MICALL2: variants seen among roughly 807,000 people sequenced by gnomAD.
MICALL2 encodes MICAL-like protein 2.
MICALL2 carries 111 observed loss-of-function variants against 91.1 expected under a neutral mutation model. The ratio of observed to expected loss-of-function variants is 1.22; its 90% CI spans 1.04 to 1.43. MICALL2 has a LOEUF of 1.43. Ranked by LOEUF, MICALL2 falls within the 40% of genes most tolerant of loss-of-function variation. The pLI is 0.00. For missense variants in MICALL2, 1,556 were observed against 1,236.0 expected, an observed-to-expected ratio of 1.26 and a Z score of -3.88; for synonymous variants, 694 against 525.3, an observed-to-expected ratio of 1.32 and a Z score of -4.39.
rs1780519867 is a variant in MICALL2, at chr7:1,445,277, C to T, written c.793G>A (p.Val265Met). 5 of 1,612,330 alleles carry T rather than the reference C, an allele frequency of 3.1e-6. No individual in the cohort carries two copies. The highest frequency in any genetic ancestry group is 2.7e-5 in the African/African-American group (2 of 74,922). The change falls in exon 6 of 17, where the codon GTG (valine) becomes ATG (methionine). Residue 265 changes from valine (V) to methionine (M), a missense_variant. Transcript: ENST00000297508. ...GGGGAACAGGAGGTCCTGGAATCCA[C>T]ACCCATGGCCCCTGGCTGTCGGGGG... ...LVPRQPGAMG[V>M]DSRTSCSPQK...
chr7:1,443,099 A>G (rs1336657337), intron 6 of MICALL2, among the ~76,000 whole-genome samples: 2 of 92,766 alleles, frequency 2.2e-5, no homozygotes, highest in East Asian at 7.8e-4. Context: ...CCCCTCGACA[A>G]CCAGTTTCCC....
rs750969284 is a variant in MICALL2 at position 1,445,173 on chromosome 7, G to A, written c.897C>T (p.Ser299=). The change falls in exon 6 of 17, where the codon TCC becomes TCT. Residue 299 remains serine (S), a synonymous_variant. Transcript: ENST00000297508. ...PAAGNSPARA[S]VPAAPNPAAT... ...CTGCAGGGTTGGGTGCAGCTGGAAC[G>A]GAAGCCCTGGCAGGCGAGTTGCCCG... The A allele has an allele frequency of 2.4e-5, 38 of 1,585,656 alleles. No homozygotes were observed. Among genetic ancestry groups the A allele is most frequent in the Non-Finnish European group, 2.9e-5 (34 of 1,167,212 alleles).
chr7:1,438,491 T>C lies in MICALL2; in HGVS notation c.2123-138A>G, dbSNP rs371162514. The C allele has an allele frequency of 2.0e-5, 30 of 1,470,360 alleles. No homozygotes were observed. The African/African-American group carries it at 3.2e-4, about 16-fold the overall frequency. 91.1% of individuals were successfully genotyped at this position (1,470,360 alleles called of 1,614,324 possible). The stretch of plus-strand genomic sequence containing the variant: ...CCTCCCTAATGCCCCACACGCCCAC[T>C]GGACTGCCCTGACCCAGCCCCACAG... On this transcript the variant is annotated intron_variant, in intron 10 of 16. Coordinates refer to ENST00000297508, the MANE Select transcript of MICALL2 (RefSeq NM_182924.4).
intron 6 of MICALL2, among the ~76,000 whole-genome samples, 161 bp from the exon 7 acceptor site, chr7:1,442,645 G>A (rs535473590): frequency 7.6e-5 from 9 of 118,456 alleles, no homozygotes; most frequent in Non-Finnish European, 1.4e-4. Context: ...CCCCACCATT[G>A]CGCCAGGCCA....
intron 6 of MICALL2, among the ~76,000 whole-genome samples, chr7:1,443,995 GC>G (rs1426904305): frequency 6.6e-6 from 1 of 152,134 alleles, no homozygotes; most frequent in Non-Finnish European, 1.5e-5. Flanking sequence ...GTGATGCTCA[GC>G]CCAGCCAGCG....
At chr7:1,454,043 T>C (rs531457966) in intron 1 of MICALL2, among the ~76,000 whole-genome samples, 5 of 152,158 alleles carry the variant, frequency 3.3e-5, no homozygotes, top group East Asian at 3.9e-4. Flanking sequence ...CTTCAGCCCA[T>C]GGAGTCCAGC....
At chr7:1,449,787 G>A (rs1386607077) in intron 2 of MICALL2, among the ~76,000 whole-genome samples, 1 of 152,252 alleles carries the variant, frequency 6.6e-6, no homozygotes, top group African/African-American at 2.4e-5. Flanking sequence ...CTGCACACAG[G>A]GAAGGGCCTG....
At chr7:1,447,526 C>A in intron 4 of MICALL2, 49 bp downstream of exon 4, 2 of 1,227,090 alleles carry the variant, frequency 1.6e-6, no homozygotes, top group South Asian at 3.1e-5. Context: ...TTCTGCACCC[C>A]CCGGTGGAAA....
At position 1,446,587 on chromosome 7, in the gene MICALL2, G is replaced by C. The variant is rs1426943951; in HGVS notation, c.641+126C>G. 6 of 612,650 alleles carry C rather than the reference G, an allele frequency of 9.8e-6. No homozygotes were observed. The East Asian group carries it at 1.8e-4, about 19-fold the overall frequency. The allele number at this position is 612,650 out of a possible 1,614,324, so 38.0% of individuals were successfully genotyped here. ...CGGGGAGGGGGAGGGGGGAGGAGGGGAGAGGGGAGAGGGGAGAGGAACGAG... is the reference window on the plus strand; with the variant it reads ...CGGGGAGGGGGAGGGGGGAGGAGGGCAGAGGGGAGAGGGGAGAGGAACGAG... On this transcript the variant is annotated intron_variant, in intron 5 of 16. Coordinates refer to ENST00000297508, the MANE Select transcript of MICALL2 (RefSeq NM_182924.4).
At chr7:1,434,708 G>C (rs755991619) in intron 16 of MICALL2, 36 bp from the exon 17 acceptor site, 7 of 1,516,022 alleles carry the variant, frequency 4.6e-6, no homozygotes, top group Admixed American at 4.6e-5. Context: ...CGTGCTCAAC[G>C]CCGCAGCCGC....
At position 1,446,904 on chromosome 7, in the gene MICALL2, G is replaced by A. The variant is rs951622621; in HGVS notation, c.526-76C>T. 1.4e-4 allele frequency: 150 copies of A among 1,037,940 alleles called. 1 individual carries two copies. The highest frequency in any genetic ancestry group is 1.9e-4 in the Non-Finnish European group (138 of 718,454). 64.3% of individuals were successfully genotyped at this position (1,037,940 alleles called of 1,614,324 possible). ...TCCTGGTGGCAGCCCACAGGTGGCC[G>A]GAAGAGCCCATCTTACAGATGGAGA... is the stretch of plus-strand genomic sequence containing the variant. On this transcript the variant is annotated intron_variant, in intron 4 of 16. Coordinates refer to ENST00000297508, the MANE Select transcript of MICALL2 (RefSeq NM_182924.4).
Position 1,435,158 on chromosome 7 carries a change from A to G in MICALL2, c.2592-11T>C, listed in dbSNP as rs1779905126. On this transcript the variant is annotated splice_polypyrimidine_tract_variant and intron_variant, in intron 15 of 16. Coordinates refer to ENST00000297508, the MANE Select transcript of MICALL2 (RefSeq NM_182924.4). ...TCCTCCTCTTGTTCCCTGAAACGGG[A>G]CCAGATGGCCATGAGCGACAATGGC... 6.2e-7 allele frequency: 1 copy of G among 1,613,208 alleles called. No homozygotes were observed. The highest frequency in any genetic ancestry group is 8.5e-7 in the Non-Finnish European group (1 of 1,179,934).
At chr7:1,459,010 T>G (rs1424719915) in intron 1 of MICALL2, among the ~76,000 whole-genome samples, 174 bp downstream of exon 1, 1 of 152,092 alleles carries the variant, frequency 6.6e-6, no homozygotes, top group African/African-American at 2.4e-5. Flanking sequence ...GCATTCGGTG[T>G]CCGGGCACAC....
chr7:1,457,984 C>G (rs966971907), intron 1 of MICALL2, among the ~76,000 whole-genome samples: 1 of 152,266 alleles, frequency 6.6e-6, no homozygotes, highest in African/African-American at 2.4e-5. Flanking sequence ...ACCTTGTGCC[C>G]AGCATCTTCT....
intron 9 of MICALL2, chr7:1,439,610 A>C: frequency 3.3e-6 from 1 of 301,682 alleles, no homozygotes; most frequent in Non-Finnish European, 6.1e-6. Flanking sequence ...TGCATCACAC[A>C]TCACATACAT....
chr7:1,447,864 C>T (rs947475824), intron 3 of MICALL2, 99 bp from the exon 4 acceptor site: 5 of 956,078 alleles, frequency 5.2e-6, no homozygotes, highest in African/African-American at 3.4e-5. Flanking sequence ...CCTTGGTGCC[C>T]GGGGGGGACC....
intron 6 of MICALL2, among the ~76,000 whole-genome samples, chr7:1,444,411 C>T (rs1385816745): frequency 6.6e-6 from 1 of 152,230 alleles, no homozygotes; most frequent in Non-Finnish European, 1.5e-5. Context: ...CCATGACGCC[C>T]CGAGCACATG....
At chr7:1,437,432 A>G in intron 14 of MICALL2, 103 bp downstream of exon 14, 1 of 1,067,908 alleles carries the variant, frequency 9.4e-7, no homozygotes, top group Admixed American at 3.1e-5. Context: ...GGAAGGTCTC[A>G]CCACCAGGAC....
chr7:1,437,801 C>A, intron 13 of MICALL2, 89 bp downstream of exon 13: 1 of 1,344,058 alleles, frequency 7.4e-7, no homozygotes, highest in Non-Finnish European at 1.0e-6. Context: ...CATCTGAGGC[C>A]TGACTCTGCG....
Sources: gnomAD v4.1 joint callset for allele counts (sites outside exome capture counted in the v4.1 genomes callset) on GRCh38, gnomAD v4.1.1 for gene constraint, MANE v1.5 for transcripts, NCBI Gene and HGNC (gene_info 2026-07-23, HGNC 2026-07-21) for gene names.